WDR70: variants seen among roughly 807,000 people sequenced by gnomAD.
WDR70 encodes WD repeat domain 70.
WDR70 carries 53 observed loss-of-function variants against 88.6 expected under a neutral mutation model. That is an observed-to-expected ratio of 0.60 (90% CI 0.48 to 0.75). WDR70 has a LOEUF of 0.75. Among genes scored for constraint, WDR70 ranks in the 30% least tolerant of loss-of-function variants. The pLI, the probability that WDR70 is intolerant of heterozygous loss-of-function variation, is 0.00. For synonymous variants in WDR70, 280 were observed against 270.0 expected (o/e 1.04, Z -0.36); for missense variants, 610 against 823.2 (o/e 0.74, Z 3.17).
At chr5:37,630,675 G>C (rs1438401099) in intron 10 of WDR70, among the ~76,000 whole-genome samples, 1 of 152,078 alleles carries the variant, frequency 6.6e-6, no homozygotes, top group East Asian at 1.9e-4. Flanking sequence ...GCCAATCCTG[G>C]GCCCATACTC....
chr5:37,480,031 A>C (rs201417419), intron 8 of WDR70, 44 bp downstream of exon 8: 6 of 1,568,850 alleles, frequency 3.8e-6, no homozygotes, highest in African/African-American at 1.4e-5. Flanking sequence ...TTCAGCACAC[A>C]TTTATTAACA....
chr5:37,731,521 A>G (rs1184530158), intron 17 of WDR70, among the ~76,000 whole-genome samples: 1 of 152,150 alleles, frequency 6.6e-6, no homozygotes, highest in Admixed American at 6.6e-5. Flanking sequence ...CATCATTGGC[A>G]GTCAGATAAA....
At chr5:37,525,062 T>A (rs910782757) in intron 9 of WDR70, among the ~76,000 whole-genome samples, 7 of 152,000 alleles carry the variant, frequency 4.6e-5, no homozygotes, top group African/African-American at 1.7e-4. Context: ...CAATATTAGA[T>A]AGATCAACGA....
chr5:37,546,994 GT>G (rs1742019964), intron 9 of WDR70, among the ~76,000 whole-genome samples: 1 of 152,104 alleles, frequency 6.6e-6, no homozygotes, highest in Admixed American at 6.5e-5. Flanking sequence ...GAGTATACTT[GT>G]TTACAGGTTT....
intron 5 of WDR70, among the ~76,000 whole-genome samples, chr5:37,415,636 G>A (rs1201287301): frequency 1.3e-5 from 2 of 150,068 alleles, no homozygotes; most frequent in East Asian, 4.0e-4. Flanking sequence ...CTCCCTCCCG[G>A]ACGGGGCGGC....
At chr5:37,560,868 C>G (rs533656664) in intron 9 of WDR70, among the ~76,000 whole-genome samples, 2 of 145,882 alleles carry the variant, frequency 1.4e-5, no homozygotes, top group Admixed American at 7.0e-5. Context: ...ACAGATTGCA[C>G]TAGTGCAATA....
At chr5:37,390,327 G>T (rs1748772181) in intron 3 of WDR70, among the ~76,000 whole-genome samples, 1 of 140,282 alleles carries the variant, frequency 7.1e-6, no homozygotes, top group South Asian at 2.3e-4. Flanking sequence ...AGACAGAGCA[G>T]CCTATAATAT....
chr5:37,507,625 T>C (rs1470948512), intron 8 of WDR70, among the ~76,000 whole-genome samples: 3 of 152,240 alleles, frequency 2.0e-5, no homozygotes, highest in Non-Finnish European at 4.4e-5. Flanking sequence ...ATTTGGAGAA[T>C]TGATGTTTTC....
rs140513282 is a variant in WDR70 at position 37,605,166 on chromosome 5, T to C, written c.1020T>C (p.Tyr340=). The C allele has an allele frequency of 7.4e-5, 119 of 1,613,264 alleles. No homozygotes were observed. In the African/African-American group the frequency reaches 1.5e-3, roughly 20 times the overall value. The change falls in exon 10 of 18, where the codon TAT becomes TAC. Residue 340 remains tyrosine, a synonymous_variant. Coordinates refer to ENST00000265107, the MANE Select transcript of WDR70 (RefSeq NM_018034.4). ...AAGTCATTCCCACTACGTGCACATA[T>C]AGTAGAGATGGAAACCTCATAGCAG... is the stretch of plus-strand genomic sequence containing the variant. The part of the protein sequence containing the change: ...GKKVIPTTCT[Y]SRDGNLIAAA...
At chr5:37,738,750 C>T (rs76327545) in intron 17 of WDR70, among the ~76,000 whole-genome samples, 85 of 152,280 alleles carry the variant, frequency 5.6e-4, no homozygotes, top group African/African-American at 1.9e-3. Flanking sequence ...CTGGAAAAGA[C>T]TCACTTTGTA....
At chr5:37,721,987 C>T (rs570633737) in intron 14 of WDR70, 1 of 152,204 alleles carries the variant, frequency 6.6e-6, no homozygotes, top group African/African-American at 2.4e-5. Flanking sequence ...GAAAGGAAAG[C>T]CAGCCTCTAT....
intron 13 of WDR70, among the ~76,000 whole-genome samples, chr5:37,719,651 A>G (rs1218185857): frequency 1.3e-5 from 2 of 152,094 alleles, no homozygotes; most frequent in Non-Finnish European, 1.5e-5. Flanking sequence ...CCACTCTTCT[A>G]GAGTAAGTCT....
intron 7 of WDR70, among the ~76,000 whole-genome samples, chr5:37,449,614 A>AAAAAAT (rs1738607337): frequency 6.6e-5 from 8 of 120,708 alleles, no homozygotes; most frequent in African/African-American, 2.4e-4. Context: ...TAAAAAATAA[A>AAAAAAT]AAATAAATAA....
chr5:37,631,390 G>A (rs759635031), intron 10 of WDR70, among the ~76,000 whole-genome samples: 7 of 152,024 alleles, frequency 4.6e-5, no homozygotes, highest in African/African-American at 7.2e-5. Context: ...TCTCCTTCTC[G>A]CTGCTATTTA....
At chr5:37,650,759 G>A (rs944935969) in intron 10 of WDR70, among the ~76,000 whole-genome samples, 3 of 152,066 alleles carry the variant, frequency 2.0e-5, no homozygotes, top group Non-Finnish European at 4.4e-5. Flanking sequence ...GGTATGGAGG[G>A]GAGAGCAGAT....
rs1746998786 is a variant in WDR70, at chr5:37,696,866, A to C, written c.1093-789A>C. Among the ~76,000 whole-genome samples, 3 of 152,222 alleles carry C rather than the reference A, an allele frequency of 2.0e-5. No individual in the cohort carries two copies. The South Asian group carries it at 6.2e-4, about 32-fold the overall frequency. ...ATTGGTGTAGAATTACAAGTCTTTAACTGTGTAGAAGCAACATTAGAAGCA... is the reference window on the plus strand; with the variant it reads ...ATTGGTGTAGAATTACAAGTCTTTACCTGTGTAGAAGCAACATTAGAAGCA... On this transcript the variant is annotated intron_variant, in intron 10 of 17. Coordinates refer to ENST00000265107, the MANE Select transcript of WDR70 (RefSeq NM_018034.4).
At chr5:37,394,599 A>G (rs1402365501) in intron 4 of WDR70, among the ~76,000 whole-genome samples, 2 of 152,216 alleles carry the variant, frequency 1.3e-5, no homozygotes, top group Non-Finnish European at 2.9e-5. Flanking sequence ...AAACAAAGGT[A>G]CTTAAGGTAA....
At chr5:37,530,864 C>G (rs1741462484) in intron 9 of WDR70, among the ~76,000 whole-genome samples, 1 of 148,830 alleles carries the variant, frequency 6.7e-6, no homozygotes, top group Admixed American at 6.7e-5. Flanking sequence ...TCTTATTTCT[C>G]CAGTTCCATG....
intron 10 of WDR70, among the ~76,000 whole-genome samples, chr5:37,681,486 A>G (rs1561068159): frequency 6.6e-6 from 1 of 152,176 alleles, no homozygotes; most frequent in African/African-American, 2.4e-5. Context: ...GTAATGAGAA[A>G]TGGCATTCTT....
Sources: allele counts gnomAD v4.1 joint callset (sites outside exome capture counted in the v4.1 genomes callset), GRCh38; gene constraint gnomAD v4.1.1; transcripts MANE v1.5; gene names NCBI Gene and HGNC (gene_info 2026-07-23, HGNC 2026-07-21).